The following MACROD2 variants were observed in gnomAD, a reference collection of about 807,000 sequenced individuals.
MACROD2 encodes the protein mono-ADP ribosylhydrolase 2.
Under a neutral mutation model 70.4 loss-of-function variants are expected in MACROD2, and 36 were observed. That is an observed-to-expected ratio of 0.51 (90% CI 0.39 to 0.68). MACROD2 has a LOEUF of 0.68. MACROD2 is among the 30% of genes least tolerant of loss of function. The probability of loss-of-function intolerance (pLI) is 0.00; values close to 1 mark genes in which losing one functional copy is unlikely to be tolerated. For missense variants in MACROD2, 496 were observed against 538.4 expected (o/e 0.92, Z 0.78); for synonymous variants, 172 against 178.8 (o/e 0.96, Z 0.30).
chr20:15,070,576 T>G (rs2075611081), intron 5 of MACROD2, among the ~76,000 whole-genome samples: 1 of 152,106 alleles, frequency 6.6e-6, no homozygotes, highest in Non-Finnish European at 1.5e-5. Flanking sequence ...GTCCTCCCCA[T>G]AGTTTCAGTT....
intron 3 of MACROD2, among the ~76,000 whole-genome samples, chr20:14,313,100 T>C (rs1373220304): frequency 6.6e-6 from 1 of 152,246 alleles, no homozygotes; most frequent in African/African-American, 2.4e-5. Flanking sequence ...CAGTATATTA[T>C]AGAATTCTGT....
intron 5 of MACROD2, 35 bp downstream of exon 5, chr20:14,684,994 G>A: frequency 1.3e-6 from 2 of 1,518,668 alleles, no homozygotes; most frequent in African/African-American, 1.4e-5. Context: ...AAAACCAGAT[G>A]AGACATCTTA....
At chr20:15,311,443 G>T (rs941571861) in intron 6 of MACROD2, among the ~76,000 whole-genome samples, 1 of 152,116 alleles carries the variant, frequency 6.6e-6, no homozygotes, top group Non-Finnish European at 1.5e-5. Context: ...ATATATATCC[G>T]AAAGAAAACA....
intron 9 of MACROD2, among the ~76,000 whole-genome samples, chr20:15,875,146 A>T (rs1307882846): frequency 6.6e-6 from 1 of 152,174 alleles, no homozygotes; most frequent in Non-Finnish European, 1.5e-5. Flanking sequence ...TGTTGATTTT[A>T]GTCTAGTTCA....
chr20:14,193,986 T>A (rs2148741561), intron 3 of MACROD2, among the ~76,000 whole-genome samples: 1 of 152,286 alleles, frequency 6.6e-6, no homozygotes, highest in South Asian at 2.1e-4. Context: ...AAGGTCCAAT[T>A]GAAGGAGTGC....
intron 3 of MACROD2, among the ~76,000 whole-genome samples, chr20:14,267,556 G>T (rs1431593646): frequency 6.6e-6 from 1 of 152,120 alleles, no homozygotes; most frequent in African/African-American, 2.4e-5. Flanking sequence ...AGGGCTTAGA[G>T]ATAGGGTGAA....
chr20:15,342,827 A>T (rs573418723), intron 6 of MACROD2, among the ~76,000 whole-genome samples: 1 of 152,266 alleles, frequency 6.6e-6, no homozygotes, highest in Admixed American at 6.5e-5. Context: ...TATTATGGAA[A>T]TATTCTCTAT....
chr20:15,142,234 C>G (rs2076197139), intron 5 of MACROD2, among the ~76,000 whole-genome samples: 1 of 152,072 alleles, frequency 6.6e-6, no homozygotes, highest in Non-Finnish European at 1.5e-5. Context: ...AAAGTGAAGA[C>G]AAAAATTAAT....
chr20:14,113,507 G>A (rs1303427128), intron 3 of MACROD2, among the ~76,000 whole-genome samples: 2 of 152,036 alleles, frequency 1.3e-5, no homozygotes, highest in Non-Finnish European at 2.9e-5. Flanking sequence ...TACATAAATA[G>A]CTTGTTAGTG....
At chr20:15,854,891 A>C (rs2064339882) in intron 8 of MACROD2, among the ~76,000 whole-genome samples, 1 of 152,192 alleles carries the variant, frequency 6.6e-6, no homozygotes, top group Non-Finnish European at 1.5e-5. Flanking sequence ...TAATTCACTT[A>C]TTAAGCAGCA....
chr20:14,725,486 T>C (rs541501304), intron 5 of MACROD2, among the ~76,000 whole-genome samples: 21 of 151,928 alleles, frequency 1.4e-4, no homozygotes, highest in Non-Finnish European at 2.4e-4. Flanking sequence ...GAAAGAAAAA[T>C]AGAATATGAA....
intron 8 of MACROD2, among the ~76,000 whole-genome samples, chr20:15,708,903 G>A (rs1452631076): frequency 6.6e-6 from 1 of 152,114 alleles, no homozygotes; most frequent in Non-Finnish European, 1.5e-5. Flanking sequence ...GCACATACTT[G>A]TAGTCTAAGC....
At chr20:15,155,115 G>C (rs1368930451) in intron 5 of MACROD2, among the ~76,000 whole-genome samples, 1 of 116,470 alleles carries the variant, frequency 8.6e-6, no homozygotes, top group Non-Finnish European at 1.9e-5. Flanking sequence ...GGTTACTGGG[G>C]GTTATATTAA....
intron 4 of MACROD2, among the ~76,000 whole-genome samples, chr20:14,604,566 C>T (rs1055227122): frequency 2.6e-5 from 4 of 152,218 alleles, no homozygotes; most frequent in African/African-American, 2.4e-5. Context: ...GGAATCATCT[C>T]TCATCCTCAA....
intron 5 of MACROD2, among the ~76,000 whole-genome samples, chr20:15,176,486 C>T (rs1245668278): frequency 6.6e-6 from 1 of 152,152 alleles, no homozygotes; most frequent in Admixed American, 6.5e-5. Flanking sequence ...CTCAGCCAGA[C>T]TTGAACAGAC....
chr20:15,747,451 T>C (rs970417481), intron 8 of MACROD2, among the ~76,000 whole-genome samples: 2 of 152,128 alleles, frequency 1.3e-5, no homozygotes, highest in Non-Finnish European at 2.9e-5. Flanking sequence ...CGAGAGTCCT[T>C]AGTGATGAAT....
intron 2 of MACROD2, among the ~76,000 whole-genome samples, chr20:14,056,642 A>G (rs1444675658): frequency 6.8e-6 from 1 of 146,832 alleles, no homozygotes; most frequent in Admixed American, 7.0e-5. Context: ...GTATGTGTTT[A>G]CAATTGTTAT....
intron 3 of MACROD2, among the ~76,000 whole-genome samples, chr20:14,379,980 G>A (rs543531091): frequency 6.6e-6 from 1 of 152,120 alleles, no homozygotes; most frequent in Non-Finnish European, 1.5e-5. Context: ...GGAATTGCTG[G>A]GTGATATGGT....
intron 3 of MACROD2, among the ~76,000 whole-genome samples, chr20:14,424,295 T>A (rs2122905371): frequency 6.6e-6 from 1 of 152,306 alleles, no homozygotes; most frequent in East Asian, 1.9e-4. Context: ...TAAATATTTT[T>A]ACCTCTTACT....
Sources: allele counts gnomAD v4.1 joint callset (sites outside exome capture counted in the v4.1 genomes callset), GRCh38; gene constraint gnomAD v4.1.1; transcripts MANE v1.5; gene names NCBI Gene and HGNC (gene_info 2026-07-23, HGNC 2026-07-21).